AFF2: variants seen among roughly 807,000 people sequenced by gnomAD.
AFF2 encodes ALF transcription elongation factor 2, also known as AF4/FMR2 family member 2.
In AFF2, 14 loss-of-function variants were observed where a neutral mutation model predicts 76.9. The ratio of observed to expected loss-of-function variants is 0.18; its 90% CI spans 0.12 to 0.28. AFF2 has a LOEUF of 0.28. Among genes scored for constraint, AFF2 ranks in the 10% least tolerant of loss-of-function variants. AFF2 has a pLI of 1.00. For synonymous variants in AFF2, 398 were observed against 366.7 expected (o/e 1.09, Z -0.98); for missense variants, 868 against 1,001.1 (o/e 0.87, Z 1.79).
chrX:148,798,202 CAA>C (rs1418329279), intron 3 of AFF2, among the ~76,000 whole-genome samples: 1 of 110,772 alleles, frequency 9.0e-6, no homozygotes, highest in Non-Finnish European at 1.9e-5. Flanking sequence ...GAAGCAGAAA[CAA>C]AAGAGTGCCA....
At chrX:148,884,864 G>A (rs2071138981) in intron 7 of AFF2, among the ~76,000 whole-genome samples, 1 of 111,778 alleles carries the variant, frequency 8.9e-6, no homozygotes, top group Non-Finnish European at 1.9e-5. Context: ...GGGCTACAAA[G>A]GATAAATAGG....
In AFF2 at chrX:148,980,766, C is replaced by A. The variant is rs200360366; in HGVS notation, c.3599C>A (p.Pro1200His). Residue 1200 changes from proline (P) to histidine (H), a missense_variant, in exon 19 of 21, where the codon CCC becomes CAC. Pro to His is a moderately conservative substitution (Grantham distance 77). This residue lies in a region of AFF2 where 46 missense variants were observed against 40.8 expected (regional missense o/e 1.13). Transcript: ENST00000370460. ...KQNASKVAQIPSPWVSNGKNT... is the reference protein window; with the variant it reads ...KQNASKVAQIHSPWVSNGKNT... ...AATGCTTCAAAAGTCGCACAGATAC[C>A]CTCTCCATGGGTAAGCAATGGAAAG... The A allele has an allele frequency of 2.2e-5, 26 of 1,197,784 alleles. No homozygotes were observed. In the South Asian group the frequency reaches 4.5e-4, roughly 21 times the overall value.
intron 9 of AFF2, among the ~76,000 whole-genome samples, chrX:148,946,002 A>G (rs1230628651): frequency 8.9e-6 from 1 of 112,382 alleles, no homozygotes; most frequent in African/African-American, 3.2e-5. Flanking sequence ...CAATCTACAG[A>G]AAGGACAACC....
At chrX:148,967,504 C>T in intron 14 of AFF2, 125 bp from the exon 15 acceptor site, 1 of 590,111 alleles carries the variant, frequency 1.7e-6, no homozygotes, top group Non-Finnish European at 2.7e-6. Flanking sequence ...TGAATGACAG[C>T]ATTAGTCTGC....
At chrX:148,625,757 C>A (rs967888830) in intron 1 of AFF2, among the ~76,000 whole-genome samples, 2 of 111,693 alleles carry the variant, frequency 1.8e-5, no homozygotes, top group Non-Finnish European at 1.9e-5. Context: ...AGGTAAAATG[C>A]ATTAGTTCAA....
chrX:148,713,322 G>A (rs920108245), intron 3 of AFF2, among the ~76,000 whole-genome samples: 6 of 111,316 alleles, frequency 5.4e-5, no homozygotes, highest in African/African-American at 1.6e-4. Context: ...TGAGCAGCAC[G>A]AGTGAGGCAC....
At chrX:148,513,514 C>T (rs2052504199) in intron 1 of AFF2, among the ~76,000 whole-genome samples, 1 of 111,600 alleles carries the variant, frequency 9.0e-6, no homozygotes, top group Non-Finnish European at 1.9e-5. Flanking sequence ...CCTACACTTG[C>T]ACACCAAAAT....
intron 2 of AFF2, among the ~76,000 whole-genome samples, chrX:148,654,406 G>A (rs1396193221): frequency 3.6e-5 from 4 of 111,446 alleles, no homozygotes; most frequent in East Asian, 2.8e-4. Flanking sequence ...TAAAGAAAGC[G>A]AGACAGTCAA....
chrX:148,934,854 A>G (rs2071754293), intron 9 of AFF2, among the ~76,000 whole-genome samples: 1 of 112,059 alleles, frequency 8.9e-6, no homozygotes, highest in African/African-American at 3.2e-5. Flanking sequence ...CTGAAGAATC[A>G]TAGATAAACA....
At chrX:148,757,783 T>C (rs1441580388) in intron 3 of AFF2, among the ~76,000 whole-genome samples, 2 of 111,966 alleles carry the variant, frequency 1.8e-5, no homozygotes, top group African/African-American at 6.5e-5. Flanking sequence ...AAAATCTATC[T>C]TTCACTCTTA....
intron 7 of AFF2, among the ~76,000 whole-genome samples, chrX:148,865,963 G>A (rs1481454171): frequency 9.0e-6 from 1 of 111,677 alleles, no homozygotes; most frequent in African/African-American, 3.3e-5. Context: ...AACGAGTTGG[G>A]CATTTGAGTT....
At chrX:148,607,686 G>A (rs1163224092) in intron 1 of AFF2, among the ~76,000 whole-genome samples, 5 of 111,857 alleles carry the variant, frequency 4.5e-5, no homozygotes, top group Admixed American at 9.5e-5. Context: ...TATAAATCCT[G>A]CAGGAATACC....
intron 1 of AFF2, among the ~76,000 whole-genome samples, chrX:148,525,134 T>G (rs2052644268): frequency 8.9e-6 from 1 of 111,959 alleles, no homozygotes; most frequent in Non-Finnish European, 1.9e-5. Flanking sequence ...AGAAAGTACA[T>G]TCAAAATTTA....
At chrX:148,672,627 G>A (rs782662858) in intron 3 of AFF2, among the ~76,000 whole-genome samples, 2 of 112,272 alleles carry the variant, frequency 1.8e-5, no homozygotes, top group East Asian at 2.8e-4. Context: ...TTCATATTTC[G>A]AAAGTCTGGA....
At chrX:148,871,145 C>G (rs1603324181) in intron 7 of AFF2, among the ~76,000 whole-genome samples, 1 of 111,231 alleles carries the variant, frequency 9.0e-6, no homozygotes, top group Middle Eastern at 4.6e-3. Context: ...AGTGTCATAT[C>G]CAAGACTGTG....
At chrX:148,916,295 C>T (rs1557282583) in intron 9 of AFF2, among the ~76,000 whole-genome samples, 1 of 98,700 alleles carries the variant, frequency 1.0e-5, no homozygotes, top group Non-Finnish European at 2.0e-5. Flanking sequence ...CTGCAAGCTC[C>T]GCCTCCCGGG....
chrX:148,592,076 C>A (rs1557246737), intron 1 of AFF2, among the ~76,000 whole-genome samples: 1 of 112,037 alleles, frequency 8.9e-6, no homozygotes, highest in Non-Finnish European at 1.9e-5. Flanking sequence ...CTCCTGGCAT[C>A]TCTCTTTATT....
rs1569550347 is a variant in AFF2, at chrX:148,500,670, C to CGCCGCCGCCGCCGCCGCT, written c.-414_-413insCGCTGCCGCCGCCGCCGC. On this transcript the variant is annotated 5_prime_UTR_variant, in exon 1 of 21. Coordinates refer to ENST00000370460, the MANE Select transcript of AFF2 (RefSeq NM_002025.4). ...CCGCCGCCGCCGCCGCCGCCGCCGC[C>CGCCGCCGCCGCCGCCGCT]GCCGCCGCCGCCGCTGCCGCCCCGG... 1 of 96,085 alleles carries CGCCGCCGCCGCCGCCGCT rather than the reference C, an allele frequency of 1.0e-5. No homozygotes were observed. Among genetic ancestry groups the CGCCGCCGCCGCCGCCGCT allele is most frequent in the African/African-American group, 3.8e-5 (1 of 26,636 alleles). The allele number at this position is 96,085 out of a possible 1,213,427, so 7.9% of individuals were successfully genotyped here.
At chrX:148,639,101 T>C (rs1218251584) in intron 1 of AFF2, among the ~76,000 whole-genome samples, 14 of 112,146 alleles carry the variant, frequency 1.2e-4, no homozygotes, top group African/African-American at 4.5e-4. Flanking sequence ...TGGGTCTCAG[T>C]GCCTTCATCT....
Sources: allele counts gnomAD v4.1 joint callset (sites outside exome capture counted in the v4.1 genomes callset), GRCh38; gene constraint gnomAD v4.1.1; regional missense constraint gnomAD v4.1.1; transcripts MANE v1.5; gene names NCBI Gene and HGNC (gene_info 2026-07-23, HGNC 2026-07-21).